Variants in TEAD1 observed in about 807,000 individuals in gnomAD.
The protein encoded by TEAD1 is TEA domain transcription factor 1.
In TEAD1, 9 loss-of-function variants were observed where a neutral mutation model predicts 54.9. The observed-to-expected ratio is 0.16, with a 90% confidence interval of 0.10 to 0.29. TEAD1 has a LOEUF of 0.29. Among genes scored for constraint, TEAD1 ranks in the 10% least tolerant of loss-of-function variants. The pLI, the probability that TEAD1 is intolerant of heterozygous loss-of-function variation, is 1.00. For missense variants in TEAD1, 387 were observed against 535.9 expected, an observed-to-expected ratio of 0.72 and a Z score of 2.74; for synonymous variants, 200 against 187.8, an observed-to-expected ratio of 1.07 and a Z score of -0.53.
chr11:12,794,623 A>C (rs1306941017), intron 3 of TEAD1, among the ~76,000 whole-genome samples: 1 of 152,156 alleles, frequency 6.6e-6, no homozygotes, highest in Non-Finnish European at 1.5e-5. Context: ...GTTCTGCCGG[A>C]GGCCTTCCTG....
Position 12,763,351 on chromosome 11 carries a change from G to C in TEAD1, c.-54-828G>C, listed in dbSNP as rs545194122. Among the ~76,000 whole-genome samples the C allele has an allele frequency of 9.0e-4, 137 of 152,332 alleles. 1 individual carries two copies. Among genetic ancestry groups the C allele is most frequent in the Non-Finnish European group, 1.5e-3 (100 of 68,036 alleles). On this transcript the variant is annotated intron_variant, in intron 2 of 12. Transcript: ENST00000527636. Reference sequence around the variant, plus strand: ...TAAGACGGAGTGCTCCATGTCAATAGAGAATATTTCCACAGGTGTGCTAGG... The same window carrying C: ...TAAGACGGAGTGCTCCATGTCAATACAGAATATTTCCACAGGTGTGCTAGG...
chr11:12,760,559 A>G (rs1009428381), intron 2 of TEAD1, among the ~76,000 whole-genome samples: 1 of 152,178 alleles, frequency 6.6e-6, no homozygotes, highest in African/African-American at 2.4e-5. Flanking sequence ...AAGGATATAT[A>G]TGTATGGGGA....
chr11:12,892,578 A>G lies in TEAD1; in HGVS notation c.700-9362A>G, dbSNP rs529320305. On this transcript the variant is annotated intron_variant, in intron 9 of 12. Transcript: ENST00000527636. ...AGATTTGCTTGAACCTGGGAAGCAGAGGTTGCAGTGAGCTGAGATCGCGCC... is the reference window on the plus strand; with the variant it reads ...AGATTTGCTTGAACCTGGGAAGCAGGGGTTGCAGTGAGCTGAGATCGCGCC... 4.6e-5 allele frequency among the ~76,000 whole-genome samples: 7 copies of G among 152,328 alleles called. No homozygotes were observed. The East Asian group carries it at 1.3e-3, about 29-fold the overall frequency.
chr11:12,819,173 A>G (rs1296200963), intron 3 of TEAD1, among the ~76,000 whole-genome samples: 1 of 152,168 alleles, frequency 6.6e-6, no homozygotes, highest in Non-Finnish European at 1.5e-5. Flanking sequence ...GATGCAGATG[A>G]TGAGCCAATT....
Position 12,869,725 on chromosome 11 carries a change from C to T in TEAD1, c.330+4825C>T, listed in dbSNP as rs539732812. 7.9e-5 allele frequency among the ~76,000 whole-genome samples: 12 copies of T among 151,966 alleles called. No homozygotes were observed. The South Asian group carries it at 2.5e-3, about 32-fold the overall frequency. On this transcript the variant is annotated intron_variant, in intron 5 of 12. Transcript: ENST00000527636. The stretch of plus-strand genomic sequence containing the variant: ...TGGCAAACATTATTCTGTACTTTTT[C>T]CTCTACCCACCCTCCGTCTTCAACC...
chr11:12,821,960 C>CTTTTTTT (rs1590184847), intron 3 of TEAD1, among the ~76,000 whole-genome samples: 4 of 38,310 alleles, frequency 1.0e-4, no homozygotes, highest in Non-Finnish European at 1.8e-4. Context: ...TTTCTCTTTT[C>CTTTTTTT]CTTTTTTTTT....
chr11:12,753,286 T>G (rs1944915442), intron 2 of TEAD1, among the ~76,000 whole-genome samples: 1 of 152,202 alleles, frequency 6.6e-6, no homozygotes, highest in Non-Finnish European at 1.5e-5. Flanking sequence ...CTACCTGGGA[T>G]TTGGAATTGC....
intron 3 of TEAD1, among the ~76,000 whole-genome samples, chr11:12,817,456 C>T (rs1374079653): frequency 6.6e-6 from 1 of 151,988 alleles, no homozygotes; most frequent in Non-Finnish European, 1.5e-5. Flanking sequence ...CAGATGTAAA[C>T]ATTTTCCCTT....
chr11:12,773,700 C>T (rs1369030938), intron 3 of TEAD1, among the ~76,000 whole-genome samples: 3 of 152,158 alleles, frequency 2.0e-5, no homozygotes, highest in Non-Finnish European at 4.4e-5. Context: ...AGATTTTCTC[C>T]TTATCTGTAG....
intron 2 of TEAD1, among the ~76,000 whole-genome samples, chr11:12,677,536 T>TC (rs1472158094): frequency 1.3e-5 from 2 of 152,216 alleles, no homozygotes; most frequent in African/African-American, 4.8e-5. Context: ...CGAGTTTTTT[T>TC]CCCTGCTTGA....
Position 12,863,019 on chromosome 11 carries a change from A to G in TEAD1, c.267+705A>G, listed in dbSNP as rs565835427. Among the ~76,000 whole-genome samples, 3 of 152,058 alleles carry G rather than the reference A, an allele frequency of 2.0e-5. No individual in the cohort carries two copies. In the South Asian group the frequency reaches 6.2e-4, roughly 32 times the overall value. On this transcript the variant is annotated intron_variant, in intron 4 of 12. Transcript: ENST00000527636. ...TAGTGTTTAACTAAAAACAAAAAAA[A>G]GAAAGGAGGAAAAAAAAAACCCTAA...
Position 12,776,887 on chromosome 11 carries a change from C to T in TEAD1, c.202+12453C>T, listed in dbSNP as rs150984254. ...CCATCTCACTGCAACCTCCACCTCC[C>T]GGGTTCAAGTGATTCTCCTGCCTCA... is the stretch of plus-strand genomic sequence containing the variant. On this transcript the variant is annotated intron_variant, in intron 3 of 12. Transcript: ENST00000527636. 8.5e-3 allele frequency among the ~76,000 whole-genome samples: 1,286 copies of T among 151,696 alleles called. 9 individuals carry two copies. Among genetic ancestry groups the T allele is most frequent in the Non-Finnish European group, 0.013 (874 of 67,898 alleles).
intron 12 of TEAD1, among the ~76,000 whole-genome samples, chr11:12,933,234 A>C: frequency 6.6e-6 from 1 of 152,244 alleles, no homozygotes; most frequent in Non-Finnish European, 1.5e-5. Flanking sequence ...AGGTTAGATT[A>C]ATTTCAAAAT....
chr11:12,756,073 G>A (rs11022491), intron 2 of TEAD1, among the ~76,000 whole-genome samples: 53,732 of 152,026 alleles, frequency 0.35, 9,900 homozygotes, highest in South Asian at 0.6. Flanking sequence ...CTGATGGAGC[G>A]GAGAATTAAT....
At chr11:12,840,113 G>T (rs956535823) in intron 3 of TEAD1, among the ~76,000 whole-genome samples, 7 of 151,838 alleles carry the variant, frequency 4.6e-5, no homozygotes. Context: ...CAGGTGTGGT[G>T]GCGGGCGCCT....
intron 10 of TEAD1, among the ~76,000 whole-genome samples, chr11:12,910,763 T>A (rs1278342391): frequency 6.7e-6 from 1 of 150,300 alleles, no homozygotes; most frequent in Non-Finnish European, 1.5e-5. Flanking sequence ...TTTTTTTTTT[T>A]TGAGATGGAG....
Position 12,685,254 on chromosome 11 carries a change from T to C in TEAD1, c.-55+9693T>C, listed in dbSNP as rs529004699. On this transcript the variant is annotated intron_variant, in intron 2 of 12. Coordinates refer to ENST00000527636, the MANE Select transcript of TEAD1 (RefSeq NM_021961.6). The stretch of plus-strand genomic sequence containing the variant: ...TTAAAAAAATTAAAATGAAGACTTA[T>C]TGAGGGAGGAGAGTAGTCTGGTTGA... Among the ~76,000 whole-genome samples, 5 of 152,280 alleles carry C rather than the reference T, an allele frequency of 3.3e-5. No individual in the cohort carries two copies. In the East Asian group the frequency reaches 7.7e-4, roughly 24 times the overall value.
At position 12,872,356 on chromosome 11, in the gene TEAD1, C is replaced by T. The variant is rs568565454; in HGVS notation, c.331-7352C>T. Among the ~76,000 whole-genome samples, 5 of 152,334 alleles carry T rather than the reference C, an allele frequency of 3.3e-5. No homozygotes were observed. The South Asian group carries it at 6.2e-4, about 19-fold the overall frequency. On this transcript the variant is annotated intron_variant, in intron 5 of 12. Transcript: ENST00000527636. ...CAACAACCTCCTTTGTCTGTGTCCA[C>T]ACCAAGACACTTGGCCTTGTCACGG...
intron 9 of TEAD1, among the ~76,000 whole-genome samples, chr11:12,895,712 A>G (rs1476729330): frequency 2.0e-5 from 3 of 152,222 alleles, no homozygotes; most frequent in Non-Finnish European, 2.9e-5. Flanking sequence ...CCCATAGGAA[A>G]AGCAGTATTC....
Sources: gnomAD v4.1 joint callset for allele counts (sites outside exome capture counted in the v4.1 genomes callset) on GRCh38, gnomAD v4.1.1 for gene constraint, MANE v1.5 for transcripts, NCBI Gene and HGNC (gene_info 2026-07-23, HGNC 2026-07-21) for gene names.